The following CDH20 variants were observed in gnomAD, a reference collection of about 807,000 sequenced individuals.
CDH20 encodes cadherin 20.
CDH20 carries 29 observed loss-of-function variants against 74.2 expected under a neutral mutation model. The observed-to-expected ratio is 0.39, with a 90% confidence interval of 0.29 to 0.53. The LOEUF is 0.53. CDH20 is among the 20% of genes least tolerant of loss of function. CDH20 has a pLI of 0.69. For synonymous variants in CDH20, 469 were observed against 405.4 expected (o/e 1.16, Z -1.88); for missense variants, 988 against 1,048.3 (o/e 0.94, Z 0.79).
At chr18:61,537,296 ATATT>A (rs1259694794) in intron 8 of CDH20, among the ~76,000 whole-genome samples, 1 of 152,176 alleles carries the variant, frequency 6.6e-6, no homozygotes, top group East Asian at 1.9e-4. Flanking sequence ...ATTCTCCAAA[ATATT>A]TATACTCTTT....
intron 1 of CDH20, among the ~76,000 whole-genome samples, chr18:61,347,312 A>ATATATATATG (rs1910152024): frequency 1.3e-5 from 1 of 75,774 alleles, no homozygotes; most frequent in Non-Finnish European, 2.7e-5. Flanking sequence ...ATATATATAT[A>ATATATATATG]TATATATACA....
At chr18:61,415,312 G>A (rs1912646914) in intron 1 of CDH20, among the ~76,000 whole-genome samples, 1 of 152,080 alleles carries the variant, frequency 6.6e-6, no homozygotes, top group Non-Finnish European at 1.5e-5. Context: ...ACAATAAAGA[G>A]ATAATGAAAA....
intron 1 of CDH20, chr18:61,404,970 A>G (rs972984111): frequency 8.4e-6 from 6 of 711,060 alleles, no homozygotes; most frequent in East Asian, 8.1e-5. Flanking sequence ...GCCCAGTTCA[A>G]TATTATTGCC....
intron 6 of CDH20, among the ~76,000 whole-genome samples, chr18:61,522,806 C>T (rs964970216): frequency 6.6e-6 from 1 of 152,172 alleles, no homozygotes; most frequent in African/African-American, 2.4e-5. Flanking sequence ...CAAAAACAAT[C>T]AATGGGGAAA....
intron 1 of CDH20, among the ~76,000 whole-genome samples, chr18:61,423,434 C>T (rs933581840): frequency 6.6e-6 from 1 of 152,168 alleles, no homozygotes; most frequent in African/African-American, 2.4e-5. Context: ...TAGTACAATC[C>T]CATTCACTTG....
At chr18:61,340,236 T>TTTTTTTTTTTTTA (rs1555669265) in intron 1 of CDH20, among the ~76,000 whole-genome samples, 1 of 151,080 alleles carries the variant, frequency 6.6e-6, no homozygotes, top group South Asian at 2.1e-4. Context: ...CTTTTTTTTT[T>TTTTTTTTTTTTTA]AAAGGTCTGA....
chr18:61,482,658 T>C (rs1158436128), intron 1 of CDH20, among the ~76,000 whole-genome samples: 1 of 144,608 alleles, frequency 6.9e-6, no homozygotes, highest in African/African-American at 2.6e-5. Flanking sequence ...ACTTTTTTTT[T>C]ACATATATAT....
In CDH20 at chr18:61,408,515, A is replaced by G. The variant is rs1225235648; in HGVS notation, c.-153+74688A>G. Among the ~76,000 whole-genome samples the G allele has an allele frequency of 3.3e-5, 5 of 152,240 alleles. No individual in the cohort carries two copies. The South Asian group carries it at 1.0e-3, about 32-fold the overall frequency. Reference sequence around the variant, plus strand: ...AAAGCAGTGAGCGTTGATCAATGTTATAATGAACGATATATGATTTTGACA... The same window carrying G: ...AAAGCAGTGAGCGTTGATCAATGTTGTAATGAACGATATATGATTTTGACA... On this transcript the variant is annotated intron_variant, in intron 1 of 11. Transcript: ENST00000262717.
In CDH20 at chr18:61,500,415, G is replaced by A. The variant is rs772160601; in HGVS notation, c.574G>A (p.Ala192Thr). The A allele has an allele frequency of 1.1e-5, 17 of 1,612,658 alleles. No homozygotes were observed. The highest frequency in any genetic ancestry group is 2.2e-5 in the East Asian group (1 of 44,890). The change falls in exon 4 of 12, where the codon GCA becomes ACA. Residue 192 changes from alanine (A) to threonine (T), a missense_variant. Coordinates refer to ENST00000262717, the MANE Select transcript of CDH20 (RefSeq NM_031891.4). The stretch of plus-strand genomic sequence containing the variant: ...CGTCATCCAAGTGACAGCCACAGAT[G>A]CAGATGACCCGACCTACGGCAACAG... ...TSVIQVTATD[A>T]DDPTYGNSAR...
chr18:61,554,227 G>A lies in CDH20; in HGVS notation c.1938G>A (p.Arg646=), dbSNP rs763991374. 9.3e-6 allele frequency: 15 copies of A among 1,613,336 alleles called. No homozygotes were observed. The highest frequency in any genetic ancestry group is 1.2e-5 in the Non-Finnish European group (14 of 1,179,544). ...VLLILSMRRH[R]KQPYIIDDEE... ...TCATTTTGTCCATGAGGCGGCACCG[G>A]AAACAACCATACATCATCGACGACG... The change falls in exon 12 of 12, where the codon CGG becomes CGA. Residue 646 remains arginine (R), a synonymous_variant. Coordinates refer to ENST00000262717, the MANE Select transcript of CDH20 (RefSeq NM_031891.4).
At chr18:61,437,224 T>C (rs1253949232) in intron 1 of CDH20, among the ~76,000 whole-genome samples, 1 of 152,156 alleles carries the variant, frequency 6.6e-6, no homozygotes, top group Non-Finnish European at 1.5e-5. Context: ...CAGATGTCTT[T>C]ATAGGTTCTT....
intron 6 of CDH20, among the ~76,000 whole-genome samples, chr18:61,516,603 T>G (rs916511660): frequency 6.6e-6 from 1 of 152,200 alleles, no homozygotes; most frequent in African/African-American, 2.4e-5. Context: ...ATTTGGAAAT[T>G]GGATTCTCAG....
At chr18:61,372,618 A>T (rs148836391) in intron 1 of CDH20, among the ~76,000 whole-genome samples, 1 of 152,168 alleles carries the variant, frequency 6.6e-6, no homozygotes, top group African/African-American at 2.4e-5. Context: ...ATGGTTGGGA[A>T]AAAAATCAAA....
chr18:61,532,680 C>T (rs1237796766), intron 7 of CDH20, among the ~76,000 whole-genome samples: 2 of 151,852 alleles, frequency 1.3e-5, no homozygotes, highest in East Asian at 3.9e-4. Flanking sequence ...TAATCATAAC[C>T]CACCAAATTG....
chr18:61,426,867 C>A (rs1913088643), intron 1 of CDH20, among the ~76,000 whole-genome samples: 1 of 152,144 alleles, frequency 6.6e-6, no homozygotes, highest in Non-Finnish European at 1.5e-5. Flanking sequence ...CTGGTAATCT[C>A]TGTGATGACT....
intron 2 of CDH20, among the ~76,000 whole-genome samples, chr18:61,493,285 T>C (rs1320151908): frequency 3.9e-5 from 6 of 152,180 alleles, no homozygotes; most frequent in Non-Finnish European, 8.8e-5. Flanking sequence ...CATGATCCTT[T>C]GCTCTTCCTG....
At chr18:61,444,143 G>T (rs999690802) in intron 1 of CDH20, among the ~76,000 whole-genome samples, 3 of 151,882 alleles carry the variant, frequency 2.0e-5, no homozygotes, top group East Asian at 1.9e-4. Context: ...TTTATTTATG[G>T]TCCATCTCTC....
chr18:61,490,725 A>G lies in CDH20; in HGVS notation c.172A>G (p.Lys58Glu). ...SDKPQSHQRT[K>E]RSWVWNQFFV... is the part of the protein sequence containing the mutation. ...CAAGCCACAGTCACATCAGCGGACC[A>G]AGAGGAGCTGGGTTTGGAACCAGTT... Residue 58 changes from lysine to glutamate, a missense_variant, in exon 2 of 12, where the codon AAG becomes GAG. Lys to Glu is a moderately conservative substitution (Grantham distance 56). This residue lies in a region of CDH20 where 613 missense variants were observed against 755.2 expected (regional missense o/e 0.81). Transcript: ENST00000262717. 6.2e-7 allele frequency: 1 copy of G among 1,614,178 alleles called. No individual in the cohort carries two copies.
chr18:61,336,194 GGATAACA>G (rs1387135731), intron 1 of CDH20, among the ~76,000 whole-genome samples: 1 of 152,200 alleles, frequency 6.6e-6, no homozygotes, highest in Non-Finnish European at 1.5e-5. Flanking sequence ...GAGCAGCATA[GGATAACA>G]GATCTAGCAT....
Sources: allele counts gnomAD v4.1 joint callset (sites outside exome capture counted in the v4.1 genomes callset), GRCh38; gene constraint gnomAD v4.1.1; regional missense constraint gnomAD v4.1.1; transcripts MANE v1.5; gene names NCBI Gene and HGNC (gene_info 2026-07-23, HGNC 2026-07-21).